Variants in CMIP observed in about 807,000 individuals in gnomAD.
CMIP encodes the protein C-Maf-inducing protein.
In CMIP, 13 loss-of-function variants were observed where a neutral mutation model predicts 97.3. The ratio of observed to expected loss-of-function variants is 0.13; its 90% CI spans 0.09 to 0.21. CMIP has a LOEUF of 0.21. Among genes scored for constraint, CMIP ranks in the 10% least tolerant of loss-of-function variants. The pLI is 1.00. For missense variants in CMIP, 847 were observed against 1,024.9 expected, an observed-to-expected ratio of 0.83 and a Z score of 2.37; for synonymous variants, 538 against 436.3, an observed-to-expected ratio of 1.23 and a Z score of -2.91.
intron 2 of CMIP, among the ~76,000 whole-genome samples, chr16:81,618,271 C>T (rs1394477588): frequency 1.3e-5 from 2 of 152,170 alleles, no homozygotes; most frequent in Non-Finnish European, 2.9e-5. Context: ...TTTCCAGCTT[C>T]TAAAGGCTGT....
intron 7 of CMIP, among the ~76,000 whole-genome samples, chr16:81,667,439 A>G (rs747380767): frequency 1.3e-5 from 2 of 152,216 alleles, no homozygotes; most frequent in Non-Finnish European, 2.9e-5. Context: ...TGGACCGTCA[A>G]GTAACCTAAC....
In CMIP at chr16:81,602,460, C is replaced by T. The variant is rs543809108; in HGVS notation, c.301-5107C>T. Among the ~76,000 whole-genome samples the T allele has an allele frequency of 3.3e-5, 5 of 152,350 alleles. No individual in the cohort carries two copies. In the East Asian group the frequency reaches 7.7e-4, roughly 23 times the overall value. On this transcript the variant is annotated intron_variant, in intron 1 of 20. Transcript: ENST00000537098. ...TCAGGTTTGCGTTGTAATTTACATA[C>T]AGTAAGAGTCACGCTTTTAGCGTGC...
intron 1 of CMIP, among the ~76,000 whole-genome samples, chr16:81,583,936 A>C (rs1000332536): frequency 6.6e-6 from 1 of 152,182 alleles, no homozygotes; most frequent in African/African-American, 2.4e-5. Flanking sequence ...GGAAGCAGGA[A>C]ATAAAGATTG....
chr16:81,477,560 G>A (rs1379396947), intron 1 of CMIP, among the ~76,000 whole-genome samples: 4 of 152,318 alleles, frequency 2.6e-5, no homozygotes, highest in South Asian at 4.1e-4. Flanking sequence ...GTGTGAAGGC[G>A]GCTGGACTGT....
At chr16:81,659,102 C>T (rs1358176277) in intron 5 of CMIP, among the ~76,000 whole-genome samples, 3 of 152,244 alleles carry the variant, frequency 2.0e-5, no homozygotes, top group Non-Finnish European at 1.5e-5. Context: ...CCATTGCCTT[C>T]TCTTGCCAGA....
At chr16:81,553,123 G>C (rs1452028699) in intron 1 of CMIP, among the ~76,000 whole-genome samples, 1 of 152,194 alleles carries the variant, frequency 6.6e-6, no homozygotes, top group South Asian at 2.1e-4. Flanking sequence ...CAGGGCCTGA[G>C]TCTCTGCTTG....
At chr16:81,626,845 AGT>A (rs139476724) in intron 3 of CMIP, among the ~76,000 whole-genome samples, 4 of 101,660 alleles carry the variant, frequency 3.9e-5, no homozygotes, top group African/African-American at 3.9e-5. Flanking sequence ...CTATTTTATG[AGT>A]GTGTGTGTGT....
intron 3 of CMIP, among the ~76,000 whole-genome samples, chr16:81,643,056 CAT>C (rs1295347909): frequency 6.6e-6 from 1 of 152,220 alleles, no homozygotes; most frequent in East Asian, 1.9e-4. Flanking sequence ...GTGGAAGACA[CAT>C]GTTAACCCAC....
intron 19 of CMIP, 78 bp downstream of exon 19, chr16:81,705,682 C>T (rs1908054834): frequency 5.3e-6 from 5 of 938,406 alleles, no homozygotes; most frequent in East Asian, 2.6e-5. Context: ...ACTGGCCAAG[C>T]ACTGACTTTG....
At chr16:81,550,975 C>T (rs1162244288) in intron 1 of CMIP, among the ~76,000 whole-genome samples, 3 of 147,038 alleles carry the variant, frequency 2.0e-5, no homozygotes, top group African/African-American at 7.8e-5. Flanking sequence ...CACACGCACC[C>T]CAGTCCCGTC....
In CMIP at chr16:81,710,033, G is replaced by A; in HGVS notation, c.*234G>A. ...GGAACCTTTGACCTGATCTAAAGTG[G>A]ACTTTGTAGCAACAAGAGGAGCATC... is the stretch of plus-strand genomic sequence containing the variant. On this transcript the variant is annotated 3_prime_UTR_variant, in exon 21 of 21. Coordinates refer to ENST00000537098, the MANE Select transcript of CMIP (RefSeq NM_198390.3). 4.4e-6 allele frequency: 1 copy of A among 228,022 alleles called. No individual in the cohort carries two copies. Among genetic ancestry groups the A allele is most frequent in the South Asian group, 3.7e-5 (1 of 27,048 alleles). The allele number at this position is 228,022 out of a possible 1,614,324, so 14.1% of individuals were successfully genotyped here.
chr16:81,564,188 G>A lies in CMIP; in HGVS notation c.301-43379G>A, dbSNP rs375795334. On this transcript the variant is annotated intron_variant, in intron 1 of 20. Coordinates refer to ENST00000537098, the MANE Select transcript of CMIP (RefSeq NM_198390.3). ...ACCTGCCAGGGGAGAAAAGAATGCCGCCCTCACACAGGCAAGGAAGCTGGG... is the reference window on the plus strand; with the variant it reads ...ACCTGCCAGGGGAGAAAAGAATGCCACCCTCACACAGGCAAGGAAGCTGGG... Among the ~76,000 whole-genome samples the A allele has an allele frequency of 2.1e-4, 32 of 152,278 alleles. No individual in the cohort carries two copies. The East Asian group carries it at 3.1e-3, about 15-fold the overall frequency.
intron 1 of CMIP, among the ~76,000 whole-genome samples, chr16:81,573,053 G>A (rs1229167050): frequency 6.6e-6 from 1 of 152,208 alleles, no homozygotes; most frequent in East Asian, 1.9e-4. Flanking sequence ...TTACAAAAAT[G>A]CACCTTTAGA....
rs1217487837 is a variant in CMIP at position 81,652,406 on chromosome 16, C to T, written c.639+42C>T. 6.5e-7 allele frequency: 1 copy of T among 1,543,750 alleles called. No homozygotes were observed. Among genetic ancestry groups the T allele is most frequent in the South Asian group, 1.2e-5 (1 of 86,514 alleles). On this transcript the variant is annotated intron_variant, in intron 4 of 20. Transcript: ENST00000537098. This position sits in a 1 kb window ranked among gnomAD's most constrained non-coding sequence, Gnocchi z 5.2. ...GGACCCCTTTACATTGTTTGCCTTT[C>T]CCTCCACCGATCACCGGCTCCATGC... is the stretch of plus-strand genomic sequence containing the variant.
At chr16:81,562,153 A>T (rs1430080337) in intron 1 of CMIP, among the ~76,000 whole-genome samples, 1 of 152,218 alleles carries the variant, frequency 6.6e-6, no homozygotes, top group Non-Finnish European at 1.5e-5. Context: ...TTATGAGATG[A>T]GGATGCAGCC....
intron 1 of CMIP, among the ~76,000 whole-genome samples, chr16:81,488,588 G>A (rs2089356953): frequency 6.6e-6 from 1 of 152,136 alleles, no homozygotes; most frequent in Non-Finnish European, 1.5e-5. Context: ...CTATAAGGGT[G>A]ACATGCCTGT....
At chr16:81,600,654 G>A (rs2091642720) in intron 1 of CMIP, among the ~76,000 whole-genome samples, 2 of 152,174 alleles carry the variant, frequency 1.3e-5, no homozygotes, top group African/African-American at 2.4e-5. Flanking sequence ...CTCAGAACTC[G>A]ATAGAGATGA....
At chr16:81,661,747 C>T (rs528696776) in intron 6 of CMIP, among the ~76,000 whole-genome samples, 2 of 152,296 alleles carry the variant, frequency 1.3e-5, no homozygotes, top group African/African-American at 2.4e-5. Flanking sequence ...CGCCCCTTCC[C>T]GGCCCCCCAC....
At chr16:81,660,731 CT>C (rs66465921) in intron 5 of CMIP, among the ~76,000 whole-genome samples, 152 bp from the exon 6 acceptor site, 6 of 151,314 alleles carry the variant, frequency 4.0e-5, no homozygotes, top group African/African-American at 1.2e-4. Flanking sequence ...TTTTTCTTTT[CT>C]TTTTTTTTCT....
Sources: allele counts gnomAD v4.1 joint callset (sites outside exome capture counted in the v4.1 genomes callset), GRCh38; gene constraint gnomAD v4.1.1; non-coding constraint Gnocchi (gnomAD v3.1); transcripts MANE v1.5; gene names NCBI Gene and HGNC (gene_info 2026-07-23, HGNC 2026-07-21).